ACMSD: variants seen among roughly 807,000 people sequenced by gnomAD.
ACMSD encodes the protein 2-amino-3-carboxymuconate-6-semialdehyde decarboxylase.
A neutral mutation model predicts 45.9 loss-of-function variants in ACMSD; 37 were observed. That is an observed-to-expected ratio of 0.81 (90% CI 0.62 to 1.06). The LOEUF (loss-of-function observed/expected upper bound fraction) is 1.06, where lower values mean the gene tolerates loss of function less well. ACMSD is among the 50% of genes least tolerant of loss of function. The pLI is 0.00. For missense variants in ACMSD, 434 were observed against 420.9 expected (o/e 1.03, Z -0.27); for synonymous variants, 138 against 148.8 (o/e 0.93, Z 0.53).
intron 2 of ACMSD, among the ~76,000 whole-genome samples, chr2:134,849,454 G>GTA (rs1325643782): frequency 1.3e-5 from 2 of 152,160 alleles, no homozygotes; most frequent in Non-Finnish European, 2.9e-5. Flanking sequence ...ACATGCAAAT[G>GTA]TATACAATTA....
chr2:134,864,213 G>A (rs758791678), intron 5 of ACMSD, among the ~76,000 whole-genome samples: 112 of 150,264 alleles, frequency 7.5e-4, no homozygotes, highest in Middle Eastern at 3.4e-3. Flanking sequence ...AGGTTGCAGT[G>A]AGCCAAGACT....
chr2:134,885,934 AG>A (rs1689414438), intron 8 of ACMSD, among the ~76,000 whole-genome samples: 1 of 152,130 alleles, frequency 6.6e-6, no homozygotes, highest in Admixed American at 6.5e-5. Context: ...GCCCCCACAA[AG>A]GTTCGGGACC....
At chr2:134,858,621 G>C (rs1687695868) in intron 2 of ACMSD, among the ~76,000 whole-genome samples, 1 of 152,108 alleles carries the variant, frequency 6.6e-6, no homozygotes, top group Non-Finnish European at 1.5e-5. Context: ...ATGTTGTACA[G>C]CATAAATATA....
intron 8 of ACMSD, among the ~76,000 whole-genome samples, chr2:134,881,978 C>T (rs1689064633): frequency 6.6e-6 from 1 of 152,034 alleles, no homozygotes; most frequent in Non-Finnish European, 1.5e-5. Flanking sequence ...AGTAGCCAGG[C>T]GTGGTGACGG....
At chr2:134,865,158 G>A (rs564430433) in intron 5 of ACMSD, among the ~76,000 whole-genome samples, 176 of 152,222 alleles carry the variant, frequency 1.2e-3, no homozygotes, top group South Asian at 0.01. Context: ...TATCTATGGC[G>A]ACTGCCCACC....
intron 8 of ACMSD, among the ~76,000 whole-genome samples, chr2:134,897,983 A>G (rs901108417): frequency 1.3e-5 from 2 of 150,722 alleles, no homozygotes; most frequent in African/African-American, 4.9e-5. Flanking sequence ...ATCAATTGCA[A>G]TGTATCATTC....
chr2:134,901,458 C>T (rs1690495976), intron 9 of ACMSD, among the ~76,000 whole-genome samples: 1 of 152,138 alleles, frequency 6.6e-6, no homozygotes, highest in Non-Finnish European at 1.5e-5. Context: ...GCCCTCTTGT[C>T]CCACAGACCT....
At chr2:134,852,173 T>C (rs1245566171) in intron 2 of ACMSD, among the ~76,000 whole-genome samples, 5 of 152,192 alleles carry the variant, frequency 3.3e-5, no homozygotes, top group Non-Finnish European at 7.3e-5. Flanking sequence ...ACTTAGATCA[T>C]GCGGGGTCTT....
intron 9 of ACMSD, among the ~76,000 whole-genome samples, chr2:134,901,375 G>A (rs1334822163): frequency 6.6e-6 from 1 of 151,950 alleles, no homozygotes; most frequent in Non-Finnish European, 1.5e-5. Context: ...TTTTATTTAG[G>A]GCCATGTGAA....
intron 7 of ACMSD, among the ~76,000 whole-genome samples, chr2:134,872,015 G>A (rs1320054267): frequency 6.7e-6 from 1 of 149,166 alleles, no homozygotes; most frequent in East Asian, 2.0e-4. Flanking sequence ...GGAGTGCAGT[G>A]GTGCAATCTC....
intron 8 of ACMSD, among the ~76,000 whole-genome samples, chr2:134,880,292 T>C (rs1046885226): frequency 6.6e-6 from 1 of 152,196 alleles, no homozygotes; most frequent in African/African-American, 2.4e-5. Flanking sequence ...CTTTTTGTCC[T>C]GAAATTTCAC....
At chr2:134,869,345 TG>T (rs1411216136) in intron 6 of ACMSD, among the ~76,000 whole-genome samples, 1 of 152,064 alleles carries the variant, frequency 6.6e-6, no homozygotes, top group Non-Finnish European at 1.5e-5. Context: ...CCCAAGTAGC[TG>T]GGATTACAAG....
At chr2:134,871,678 GACAGACACACACACACACAC>G (rs1478256347) in intron 7 of ACMSD, among the ~76,000 whole-genome samples, 4 of 137,636 alleles carry the variant, frequency 2.9e-5, no homozygotes, top group Non-Finnish European at 6.1e-5. Context: ...CCCTTCAACA[GACAGACACACACACACACAC>G]ACACACACAC....
At chr2:134,885,295 A>ATAT (rs1398804323) in intron 8 of ACMSD, among the ~76,000 whole-genome samples, 2 of 49,870 alleles carry the variant, frequency 4.0e-5, no homozygotes, top group African/African-American at 1.7e-4. Context: ...TTATATTTAT[A>ATAT]TATATATTTA....
At chr2:134,880,665 A>T (rs942119154) in intron 8 of ACMSD, among the ~76,000 whole-genome samples, 1 of 151,790 alleles carries the variant, frequency 6.6e-6, no homozygotes, top group Admixed American at 6.6e-5. Flanking sequence ...ATATAGTAAG[A>T]ATTTTAGGAA....
intron 9 of ACMSD, among the ~76,000 whole-genome samples, chr2:134,900,900 C>G (rs1690462204): frequency 1.3e-5 from 2 of 152,158 alleles, no homozygotes; most frequent in African/African-American, 4.8e-5. Flanking sequence ...TGAAGGGTAC[C>G]TCCCTCAAAG....
intron 5 of ACMSD, among the ~76,000 whole-genome samples, chr2:134,865,968 C>T (rs115017378): frequency 2.0e-3 from 310 of 152,310 alleles, no homozygotes; most frequent in Non-Finnish European, 3.3e-3. Context: ...AAAAATTAAA[C>T]TAGTTAATAA....
At chr2:134,864,732 A>G (rs1688017904) in intron 5 of ACMSD, among the ~76,000 whole-genome samples, 1 of 152,224 alleles carries the variant, frequency 6.6e-6, no homozygotes, top group South Asian at 2.1e-4. Context: ...AGGGATGCTC[A>G]TTGTGTTATT....
intron 3 of ACMSD, among the ~76,000 whole-genome samples, chr2:134,861,459 A>C (rs1458045244): frequency 6.6e-6 from 1 of 152,190 alleles, no homozygotes; most frequent in African/African-American, 2.4e-5. Flanking sequence ...CCTAACATGT[A>C]TTAACTCATT....
Sources: allele counts gnomAD v4.1 joint callset (sites outside exome capture counted in the v4.1 genomes callset), GRCh38; gene constraint gnomAD v4.1.1; transcripts MANE v1.5; gene names NCBI Gene and HGNC (gene_info 2026-07-23, HGNC 2026-07-21).